AK9: variants seen among roughly 807,000 people sequenced by gnomAD.
AK9 encodes adenylate kinase 9.
Under a neutral mutation model 239.6 loss-of-function variants are expected in AK9, and 191 were observed. The ratio of observed to expected loss-of-function variants is 0.80; its 90% CI spans 0.71 to 0.90. The LOEUF (loss-of-function observed/expected upper bound fraction) is 0.90, where lower values mean the gene tolerates loss of function less well. Among genes scored for constraint, AK9 ranks in the 40% least tolerant of loss-of-function variants. The pLI, the probability that AK9 is intolerant of heterozygous loss-of-function variation, is 0.00. For synonymous variants in AK9, 689 were observed against 721.0 expected (o/e 0.96, Z 0.71); for missense variants, 1,995 against 2,214.7 (o/e 0.90, Z 1.99).
chr6:109,583,105 C>T (rs1789062450), intron 19 of AK9, among the ~76,000 whole-genome samples: 2 of 152,118 alleles, frequency 1.3e-5, no homozygotes, highest in Admixed American at 6.6e-5. Context: ...AGCAAAAAAA[C>T]TCATGTGACT....
chr6:109,689,730 T>C (rs1300401963), intron 1 of AK9, among the ~76,000 whole-genome samples: 1 of 152,226 alleles, frequency 6.6e-6, no homozygotes, highest in African/African-American at 2.4e-5. Flanking sequence ...TCTTAGGATC[T>C]GATTCCGGGT....
chr6:109,676,721 T>C (rs572317337), intron 1 of AK9, among the ~76,000 whole-genome samples: 1 of 152,080 alleles, frequency 6.6e-6, no homozygotes, highest in Admixed American at 6.5e-5. Context: ...AGCAAAATAA[T>C]AGTATTATTA....
intron 8 of AK9, among the ~76,000 whole-genome samples, chr6:109,647,404 A>C (rs879215811): frequency 2.8e-4 from 43 of 152,128 alleles, no homozygotes; most frequent in African/African-American, 9.7e-4. Flanking sequence ...ATCTACCAAG[A>C]AAATGGAAAA....
chr6:109,654,727 TG>T (rs1413973587), intron 8 of AK9, among the ~76,000 whole-genome samples: 2 of 152,244 alleles, frequency 1.3e-5, no homozygotes, highest in African/African-American at 4.8e-5. Context: ...AATGGATACC[TG>T]CACCAGGAGT....
chr6:109,674,444 T>C (rs1208277106), intron 2 of AK9, among the ~76,000 whole-genome samples, 183 bp from the exon 3 acceptor site: 1 of 152,198 alleles, frequency 6.6e-6, no homozygotes, highest in East Asian at 1.9e-4. Context: ...AATTTTTGCA[T>C]ATGTCACATC....
intron 24 of AK9, among the ~76,000 whole-genome samples, chr6:109,555,628 T>C (rs1015416143): frequency 6.6e-6 from 1 of 152,208 alleles, no homozygotes; most frequent in Non-Finnish European, 1.5e-5. Context: ...CCCACTATTA[T>C]TGTGTGGGAT....
rs1777196412 is a variant in AK9, at chr6:109,497,482, T to C, written c.5298A>G (p.Lys1766=). The C allele has an allele frequency of 6.3e-7, 1 of 1,597,082 alleles. No homozygotes were observed. Among genetic ancestry groups the C allele is most frequent in the Non-Finnish European group, 8.6e-7 (1 of 1,164,982 alleles). The stretch of plus-strand genomic sequence containing the variant: ...GGTCTCACCTCAAAAATTTCTGGAG[T>C]TTTTCTTTGTTCTCACAAATATATA... The part of the protein sequence containing the change: ...NRIYICENKE[K]LQKFLRSPLK... The change falls in exon 38 of 41, where the codon AAA becomes AAG. Residue 1766 remains lysine (K), a synonymous_variant. Transcript: ENST00000424296.
intron 27 of AK9, among the ~76,000 whole-genome samples, chr6:109,534,931 G>T (rs1215132674): frequency 6.6e-6 from 1 of 152,158 alleles, no homozygotes; most frequent in Admixed American, 6.5e-5. Flanking sequence ...CAAAGGACAT[G>T]AACTCATCCT....
At chr6:109,496,526 C>T (rs1304250234) in intron 38 of AK9, among the ~76,000 whole-genome samples, 2 of 152,144 alleles carry the variant, frequency 1.3e-5, no homozygotes, top group East Asian at 1.9e-4. Flanking sequence ...GCTTTTCAGC[C>T]CTTGTCTTGC....
chr6:109,562,625 G>A (rs537535872), intron 24 of AK9, among the ~76,000 whole-genome samples: 6 of 152,262 alleles, frequency 3.9e-5, no homozygotes, highest in Non-Finnish European at 8.8e-5. Flanking sequence ...GAAGCAGTTT[G>A]ATCCTTTTGG....
At chr6:109,641,349 CTTTTTTTTTT>C (rs913203723) in intron 10 of AK9, among the ~76,000 whole-genome samples, 159 bp downstream of exon 10, 2 of 124,390 alleles carry the variant, frequency 1.6e-5, no homozygotes, top group Non-Finnish European at 3.3e-5. Context: ...TTCTTTCTTT[CTTTTTTTTTT>C]TTTTTTTTTG....
intron 10 of AK9, among the ~76,000 whole-genome samples, chr6:109,635,173 C>G (rs1796561704): frequency 2.0e-5 from 3 of 152,094 alleles, no homozygotes; most frequent in Admixed American, 2.0e-4. Flanking sequence ...ACTAGAGGTG[C>G]TGATCAAGGC....
chr6:109,605,413 G>A (rs1349640519), intron 17 of AK9, among the ~76,000 whole-genome samples: 2 of 152,134 alleles, frequency 1.3e-5, no homozygotes, highest in African/African-American at 4.8e-5. Flanking sequence ...AATTTATTGA[G>A]ATATTCATTT....
At chr6:109,610,281 T>C in intron 17 of AK9, 84 bp downstream of exon 17, 1 of 1,452,106 alleles carries the variant, frequency 6.9e-7, no homozygotes, top group South Asian at 1.3e-5. Flanking sequence ...CATAAGACTC[T>C]AAAATAATTA....
intron 5 of AK9, among the ~76,000 whole-genome samples, chr6:109,665,216 G>A (rs1014834744): frequency 8.5e-5 from 13 of 152,180 alleles, no homozygotes; most frequent in African/African-American, 2.9e-4. Flanking sequence ...AAGGCAGAAA[G>A]GATGACCTTG....
At chr6:109,541,292 A>T (rs1277674162) in intron 27 of AK9, among the ~76,000 whole-genome samples, 1 of 152,232 alleles carries the variant, frequency 6.6e-6, no homozygotes, top group Non-Finnish European at 1.5e-5. Context: ...AGAGGTTATT[A>T]AAAGTTTATT....
intron 17 of AK9, among the ~76,000 whole-genome samples, chr6:109,598,448 C>T (rs1398196821): frequency 3.9e-5 from 6 of 152,106 alleles, no homozygotes; most frequent in Admixed American, 1.3e-4. Context: ...GTATATGTGC[C>T]ACATTTTCTT....
At chr6:109,630,454 T>C (rs1055626898) in intron 12 of AK9, among the ~76,000 whole-genome samples, 1 of 152,148 alleles carries the variant, frequency 6.6e-6, no homozygotes, top group African/African-American at 2.4e-5. Flanking sequence ...AACAATAAGA[T>C]AGAAGACCTT....
intron 1 of AK9, among the ~76,000 whole-genome samples, chr6:109,680,141 A>G (rs946286823): frequency 6.6e-6 from 1 of 152,196 alleles, no homozygotes; most frequent in Admixed American, 6.5e-5. Context: ...GAAGGTGGAT[A>G]ATAACAAACT....
Sources: gnomAD v4.1 joint callset for allele counts (sites outside exome capture counted in the v4.1 genomes callset) on GRCh38, gnomAD v4.1.1 for gene constraint, MANE v1.5 for transcripts, NCBI Gene and HGNC (gene_info 2026-07-23, HGNC 2026-07-21) for gene names.